Variants in CLASP1 observed in about 807,000 individuals in gnomAD.
CLASP1 encodes CLIP-associating protein 1.
Under a neutral mutation model 192.3 loss-of-function variants are expected in CLASP1, and 38 were observed. That is an observed-to-expected ratio of 0.20 (90% CI 0.15 to 0.26). The LOEUF is 0.26. Among genes scored for constraint, CLASP1 ranks in the 10% least tolerant of loss-of-function variants. The pLI, the probability that CLASP1 is intolerant of heterozygous loss-of-function variation, is 1.00. For missense variants in CLASP1, 1,433 were observed against 1,932.5 expected, an observed-to-expected ratio of 0.74 and a Z score of 4.85; for synonymous variants, 691 against 712.8, an observed-to-expected ratio of 0.97 and a Z score of 0.49.
intron 37 of CLASP1, among the ~76,000 whole-genome samples, chr2:121,356,881 G>A (rs774221822): frequency 5.3e-5 from 8 of 152,164 alleles, no homozygotes; most frequent in Non-Finnish European, 1.2e-4. Context: ...GGGCCAACAG[G>A]GACAAATGAT....
chr2:121,498,044 G>C (rs986032962), intron 8 of CLASP1, among the ~76,000 whole-genome samples: 9 of 152,048 alleles, frequency 5.9e-5, no homozygotes, highest in African/African-American at 2.2e-4. Context: ...TATTTTAGCA[G>C]AGACGGGGTT....
At chr2:121,631,016 G>A (rs1046787999) in intron 1 of CLASP1, among the ~76,000 whole-genome samples, 7 of 151,314 alleles carry the variant, frequency 4.6e-5, no homozygotes, top group African/African-American at 1.2e-4. Flanking sequence ...AAAATTAGCC[G>A]GGTGTGGTGG....
At chr2:121,460,294 T>A (rs2087631551) in intron 11 of CLASP1, among the ~76,000 whole-genome samples, 169 bp from the exon 12 acceptor site, 1 of 152,172 alleles carries the variant, frequency 6.6e-6, no homozygotes, top group African/African-American at 2.4e-5. Flanking sequence ...AATAAACAAA[T>A]CTACATATCA....
chr2:121,610,538 AAG>A, intron 1 of CLASP1, among the ~76,000 whole-genome samples: 1 of 150,632 alleles, frequency 6.6e-6, no homozygotes, highest in Non-Finnish European at 1.5e-5. Context: ...TTACAGGAGG[AAG>A]AGGAGCTGGA....
At position 121,593,541 on chromosome 2, in the gene CLASP1, C is replaced by A. The variant is rs182946618; in HGVS notation, c.195+12160G>T. 5.0e-3 allele frequency among the ~76,000 whole-genome samples: 735 copies of A among 148,298 alleles called. 9 individuals carry two copies. The highest frequency in any genetic ancestry group is 0.018 in the African/African-American group (713 of 39,216). On this transcript the variant is annotated intron_variant, in intron 2 of 39. Coordinates refer to ENST00000263710, the Ensembl canonical transcript of CLASP1. ...GGCTGAGGCAGAAGAATCGCTTGAT[C>A]CGGGGAGGCGGAAGTTGCAGGGAGC...
chr2:121,399,474 G>A (rs2075822138), intron 28 of CLASP1, among the ~76,000 whole-genome samples: 1 of 152,116 alleles, frequency 6.6e-6, no homozygotes, highest in African/African-American at 2.4e-5. Flanking sequence ...GTGTATAATC[G>A]GGAAATACGC....
intron 19 of CLASP1, among the ~76,000 whole-genome samples, chr2:121,437,092 A>G (rs2082428987): frequency 6.6e-6 from 1 of 152,032 alleles, no homozygotes; most frequent in Admixed American, 6.6e-5. Flanking sequence ...CCTCACAAGT[A>G]TCTGGGGCTA....
At chr2:121,488,061 G>A (rs544672399) in intron 8 of CLASP1, among the ~76,000 whole-genome samples, 5 of 152,104 alleles carry the variant, frequency 3.3e-5, no homozygotes, top group Non-Finnish European at 7.3e-5. Flanking sequence ...GGCCCTGCGA[G>A]ATACACTGGC....
At chr2:121,362,044 T>C (rs1173822478) in intron 37 of CLASP1, among the ~76,000 whole-genome samples, 2 of 152,218 alleles carry the variant, frequency 1.3e-5, no homozygotes, top group African/African-American at 4.8e-5. Context: ...AACAGAACTA[T>C]GATCTAGGGT....
At chr2:121,500,369 AAAGAAAG>A (rs2093700394) in intron 8 of CLASP1, among the ~76,000 whole-genome samples, 2 of 142,244 alleles carry the variant, frequency 1.4e-5, no homozygotes, top group Admixed American at 1.4e-4. Flanking sequence ...AGAAAGAAAG[AAAGAAAG>A]AAAGAAAGAA....
At chr2:121,530,553 A>C in intron 2 of CLASP1, 1 of 550,450 alleles carries the variant, frequency 1.8e-6, no homozygotes. Flanking sequence ...ACGAAATAAA[A>C]GGCAATACAG....
intron 12 of CLASP1, among the ~76,000 whole-genome samples, chr2:121,459,193 G>T (rs2087339846): frequency 6.6e-6 from 1 of 151,490 alleles, no homozygotes; most frequent in Non-Finnish European, 1.5e-5. Flanking sequence ...AGTCTGTGGA[G>T]CTTTTTGTTT....
chr2:121,563,298 T>C (rs547145210), intron 2 of CLASP1, among the ~76,000 whole-genome samples: 1 of 152,312 alleles, frequency 6.6e-6, no homozygotes, highest in South Asian at 2.1e-4. Flanking sequence ...TGATGATTTG[T>C]TGAAAGAGTC....
rs2084893180 is a variant in CLASP1, at chr2:121,448,917, T to C, written c.1691+36A>G. 3.2e-6 allele frequency: 5 copies of C among 1,587,268 alleles called. No individual in the cohort carries two copies. The South Asian group carries it at 5.7e-5, about 18-fold the overall frequency. Reference sequence around the variant, plus strand: ...ATGTGACAAACTTTTAAATACAAATTCTCACATGAATGATAAGCAAAGATG... The same window carrying C: ...ATGTGACAAACTTTTAAATACAAATCCTCACATGAATGATAAGCAAAGATG... On this transcript the variant is annotated intron_variant, in intron 17 of 39. Coordinates refer to ENST00000263710, the Ensembl canonical transcript of CLASP1.
intron 8 of CLASP1, among the ~76,000 whole-genome samples, chr2:121,472,687 CGTGT>C (rs1451236305): frequency 6.6e-6 from 1 of 152,166 alleles, no homozygotes; most frequent in Non-Finnish European, 1.5e-5. Context: ...CTAGGCCTCA[CGTGT>C]GTGAGTGAAC....
chr2:121,570,340 T>C lies in CLASP1; in HGVS notation c.195+35361A>G, dbSNP rs114261542. Reference sequence around the variant, plus strand: ...ATCTAGAATTCAGTGCACCACTAAGTAGAACACTGTTTCTTAAACATAAAG... The same window carrying C: ...ATCTAGAATTCAGTGCACCACTAAGCAGAACACTGTTTCTTAAACATAAAG... On this transcript the variant is annotated intron_variant, in intron 2 of 39. Transcript: ENST00000263710. Among the ~76,000 whole-genome samples, 934 of 152,354 alleles carry C rather than the reference T, an allele frequency of 6.1e-3. 9 individuals carry two copies. The highest frequency in any genetic ancestry group is 0.022 in the African/African-American group (903 of 41,584).
chr2:121,637,090 C>G (rs967241769), intron 1 of CLASP1, among the ~76,000 whole-genome samples: 1 of 152,146 alleles, frequency 6.6e-6, no homozygotes, highest in Non-Finnish European at 1.5e-5. Context: ...TCTCCTACCC[C>G]AAAGGTCCTT....
intron 2 of CLASP1, among the ~76,000 whole-genome samples, chr2:121,565,217 C>T (rs578061150): frequency 3.9e-4 from 60 of 152,280 alleles, no homozygotes; most frequent in South Asian, 1.5e-3. Context: ...TCCCAGGCTA[C>T]GTGGATATAG....
chr2:121,347,020 A>C lies in CLASP1; in HGVS notation c.4530+18T>G. 1 of 1,475,102 alleles carries C rather than the reference A, an allele frequency of 6.8e-7. No individual in the cohort carries two copies. The highest frequency in any genetic ancestry group is 9.3e-7 in the Non-Finnish European group (1 of 1,077,064). 91.4% of individuals were successfully genotyped at this position (1,475,102 alleles called of 1,614,324 possible). On this transcript the variant is annotated intron_variant, in intron 39 of 39. Coordinates refer to ENST00000263710, the Ensembl canonical transcript of CLASP1. ...AGAGCCCAGGTGTGCGTATCAGCCC[A>C]GGTAACACTATACATACCTTGCTCC... is the stretch of plus-strand genomic sequence containing the variant.
Sources: allele counts gnomAD v4.1 joint callset (sites outside exome capture counted in the v4.1 genomes callset), GRCh38; gene constraint gnomAD v4.1.1; transcripts MANE v1.5; gene names NCBI Gene and HGNC (gene_info 2026-07-23, HGNC 2026-07-21).